RASGRP3: variants seen among roughly 807,000 people sequenced by gnomAD.
RASGRP3 encodes ras guanyl-releasing protein 3.
In RASGRP3, 54 loss-of-function variants were observed where a neutral mutation model predicts 82.7. The observed-to-expected ratio is 0.65, with a 90% CI of 0.52 to 0.82. RASGRP3 has a LOEUF of 0.82. Ranked by LOEUF, RASGRP3 falls within the 40% of genes least tolerant of loss-of-function variation. The pLI, the probability that RASGRP3 is intolerant of heterozygous loss-of-function variation, is 0.00. For synonymous variants in RASGRP3, 309 were observed against 300.5 expected (o/e 1.03, Z -0.29); for missense variants, 861 against 828.9 (o/e 1.04, Z -0.48).
At chr2:33,495,708 A>C (rs1426272315) in intron 1 of RASGRP3, among the ~76,000 whole-genome samples, 3 of 152,198 alleles carry the variant, frequency 2.0e-5, no homozygotes, top group Non-Finnish European at 4.4e-5. Flanking sequence ...TCAGGGAAAC[A>C]TAATGAGACT....
chr2:33,486,336 G>T (rs1405768835), intron 1 of RASGRP3, among the ~76,000 whole-genome samples: 1 of 151,816 alleles, frequency 6.6e-6, no homozygotes, highest in Non-Finnish European at 1.5e-5. Flanking sequence ...GCTAATTTTT[G>T]TATTTTGTTT....
intron 5 of RASGRP3, among the ~76,000 whole-genome samples, chr2:33,520,317 G>C (rs938895467): frequency 6.6e-6 from 1 of 152,110 alleles, no homozygotes; most frequent in Non-Finnish European, 1.5e-5. Flanking sequence ...TTGAAGGAAG[G>C]GTTTCCTCTC....
At chr2:33,452,779 G>A (rs1665867332) in intron 2 of RASGRP3, among the ~76,000 whole-genome samples, 1 of 152,244 alleles carries the variant, frequency 6.6e-6, no homozygotes, top group African/African-American at 2.4e-5. Flanking sequence ...GTAGAGCCTA[G>A]TGCTGTTGTA....
chr2:33,450,818 CTTTCTTTTT>C (rs1665749057), intron 2 of RASGRP3, among the ~76,000 whole-genome samples: 13 of 43,396 alleles, frequency 3.0e-4, no homozygotes, highest in Admixed American at 9.9e-4. Context: ...CTCTTTCTTT[CTTTCTTTTT>C]TTTTTTTTTT....
intron 10 of RASGRP3, 124 bp from the exon 11 acceptor site, chr2:33,534,199 G>A (rs956768384): frequency 1.5e-5 from 10 of 663,234 alleles, no homozygotes; most frequent in Middle Eastern, 6.0e-4. Flanking sequence ...TCTTTTTATT[G>A]TTCTGCATTT....
chr2:33,524,355 C>A, intron 8 of RASGRP3, 77 bp from the exon 9 acceptor site: 1 of 963,326 alleles, frequency 1.0e-6, no homozygotes. Context: ...TAAAATTGTG[C>A]ATAAATTTAC....
At chr2:33,545,268 A>C (rs1674626258) in intron 13 of RASGRP3, among the ~76,000 whole-genome samples, 1 of 152,244 alleles carries the variant, frequency 6.6e-6, no homozygotes, top group African/African-American at 2.4e-5. Flanking sequence ...ACATGACACT[A>C]AAGTTTTGAG....
intron 2 of RASGRP3, among the ~76,000 whole-genome samples, chr2:33,451,335 T>G (rs1558396274): frequency 6.6e-6 from 1 of 152,188 alleles, no homozygotes; most frequent in Non-Finnish European, 1.5e-5. Context: ...ATACATAGTT[T>G]TCAAATATTT....
At chr2:33,492,525 A>G (rs912455482) in intron 1 of RASGRP3, among the ~76,000 whole-genome samples, 3 of 152,150 alleles carry the variant, frequency 2.0e-5, no homozygotes, top group Admixed American at 6.5e-5. Flanking sequence ...GATAGAGCCT[A>G]TAAGGAGGTA....
intron 1 of RASGRP3, among the ~76,000 whole-genome samples, chr2:33,443,851 A>G (rs1416019485): frequency 1.3e-5 from 2 of 152,064 alleles, no homozygotes; most frequent in Admixed American, 6.6e-5. Flanking sequence ...ACTGCACTCC[A>G]GCCAGGGCAA....
chr2:33,562,035 G>A (rs1676718587), intron 17 of RASGRP3, among the ~76,000 whole-genome samples: 1 of 152,130 alleles, frequency 6.6e-6, no homozygotes, highest in South Asian at 2.1e-4. Context: ...ATGAATATAT[G>A]TAATATACAT....
intron 7 of RASGRP3, among the ~76,000 whole-genome samples, chr2:33,523,421 C>T (rs541981147): frequency 4.0e-5 from 6 of 150,988 alleles, no homozygotes; most frequent in Non-Finnish European, 8.8e-5. Context: ...GCCGAGATCG[C>T]GCCACTGCAC....
chr2:33,524,920 A>C, intron 9 of RASGRP3, among the ~76,000 whole-genome samples: 1 of 151,992 alleles, frequency 6.6e-6, no homozygotes, highest in Admixed American at 6.5e-5. Flanking sequence ...TCTACTAAAA[A>C]TACAAAAAAA....
chr2:33,460,842 A>T (rs1174171415), intron 2 of RASGRP3, among the ~76,000 whole-genome samples: 1 of 152,174 alleles, frequency 6.6e-6, no homozygotes, highest in Non-Finnish European at 1.5e-5. Context: ...AACATAAATC[A>T]CACACACAGG....
intron 2 of RASGRP3, among the ~76,000 whole-genome samples, chr2:33,451,910 C>G (rs571366312): frequency 6.6e-6 from 1 of 151,866 alleles, no homozygotes; most frequent in East Asian, 1.9e-4. Context: ...TTCATTCTTA[C>G]TTCTTCTTTG....
intron 2 of RASGRP3, among the ~76,000 whole-genome samples, chr2:33,458,628 C>T (rs1574243787): frequency 6.6e-6 from 1 of 152,154 alleles, no homozygotes; most frequent in Non-Finnish European, 1.5e-5. Flanking sequence ...CTATTCCTGC[C>T]TCAGATGGTA....
At chr2:33,477,618 G>A (rs1351778203) in intron 1 of RASGRP3, among the ~76,000 whole-genome samples, 1 of 152,208 alleles carries the variant, frequency 6.6e-6, no homozygotes, top group Admixed American at 6.5e-5. Flanking sequence ...TTGCGCTTGG[G>A]CGAGCAGCAA....
intron 11 of RASGRP3, among the ~76,000 whole-genome samples, chr2:33,536,466 C>G (rs952389260): frequency 6.6e-6 from 1 of 152,046 alleles, no homozygotes; most frequent in Non-Finnish European, 1.5e-5. Context: ...GATGTTTCTA[C>G]CATCCCTCAT....
intron 1 of RASGRP3, among the ~76,000 whole-genome samples, chr2:33,445,679 G>A (rs6754922): frequency 0.047 from 7,104 of 151,610 alleles, 523 homozygotes; most frequent in African/African-American, 0.16. Context: ...TCTAACTATT[G>A]ATGTACTATT....
Sources: gnomAD v4.1 joint callset for allele counts (sites outside exome capture counted in the v4.1 genomes callset) on GRCh38, gnomAD v4.1.1 for gene constraint, MANE v1.5 for transcripts, NCBI Gene and HGNC (gene_info 2026-07-23, HGNC 2026-07-21) for gene names.